Variants in SCFD1 observed in about 807,000 individuals in gnomAD.
SCFD1 encodes sec1 family domain containing 1.
In SCFD1, 37 loss-of-function variants were observed where a neutral mutation model predicts 103.2. The ratio of observed to expected loss-of-function variants is 0.36; its 90% CI spans 0.28 to 0.47. SCFD1 has a LOEUF of 0.47. Among genes scored for constraint, SCFD1 ranks in the 20% least tolerant of loss-of-function variants. SCFD1 has a pLI of 1.00. For synonymous variants in SCFD1, 264 were observed against 245.0 expected (o/e 1.08, Z -0.73); for missense variants, 639 against 761.2 (o/e 0.84, Z 1.89).
intron 4 of SCFD1, 100 bp from the exon 5 acceptor site, chr14:30,638,025 A>T: frequency 7.6e-7 from 1 of 1,321,732 alleles, no homozygotes; most frequent in South Asian, 1.9e-5. Context: ...TCATTTAAAT[A>T]TCCTGTCTTT....
intron 12 of SCFD1, 52 bp from the exon 13 acceptor site, chr14:30,673,872 T>G: frequency 2.4e-6 from 3 of 1,232,068 alleles, no homozygotes; most frequent in Non-Finnish European, 3.6e-6. Context: ...TTGATTTTTA[T>G]GCTTGTGCCT....
At chr14:30,691,412 GCT>G (rs1338856539) in intron 14 of SCFD1, among the ~76,000 whole-genome samples, 1 of 152,122 alleles carries the variant, frequency 6.6e-6, no homozygotes, top group Non-Finnish European at 1.5e-5. Flanking sequence ...GGGTCCTGAG[GCT>G]CTCTCTTTAA....
At chr14:30,634,939 G>A (rs1037391281) in intron 4 of SCFD1, 3 of 455,830 alleles carry the variant, frequency 6.6e-6, no homozygotes, top group African/African-American at 6.0e-5. Context: ...CAGTTACAAG[G>A]GTGGCTGCAA....
At chr14:30,654,534 C>T (rs1886711487) in intron 10 of SCFD1, among the ~76,000 whole-genome samples, 1 of 152,096 alleles carries the variant, frequency 6.6e-6, no homozygotes, top group Non-Finnish European at 1.5e-5. Flanking sequence ...ATTAGCCAAG[C>T]GTGGTGGCAC....
chr14:30,708,157 C>G, intron 19 of SCFD1, 92 bp downstream of exon 19: 1 of 795,004 alleles, frequency 1.3e-6, no homozygotes, highest in East Asian at 2.5e-5. Flanking sequence ...TGGATTTATT[C>G]AAGTAATAAA....
intron 20 of SCFD1, 122 bp downstream of exon 20, chr14:30,716,099 AG>A: frequency 1.5e-6 from 1 of 683,666 alleles, no homozygotes; most frequent in Non-Finnish European, 2.6e-6. Context: ...CATGAGGAAA[AG>A]GAAGAGTCCA....
chr14:30,731,919 C>G (rs569839147), intron 23 of SCFD1, among the ~76,000 whole-genome samples: 5 of 152,262 alleles, frequency 3.3e-5, no homozygotes, highest in African/African-American at 1.2e-4. Flanking sequence ...AGAGGGCATC[C>G]CTGTCTTGTG....
intron 9 of SCFD1, among the ~76,000 whole-genome samples, chr14:30,651,847 T>TG (rs541669512): frequency 7.1e-4 from 108 of 152,162 alleles, no homozygotes; most frequent in Admixed American, 3.5e-3. Flanking sequence ...TAAGGGCAGT[T>TG]TTTGCCTCCC....
intron 7 of SCFD1, among the ~76,000 whole-genome samples, chr14:30,646,569 A>G (rs1885849811): frequency 6.6e-6 from 1 of 152,102 alleles, no homozygotes; most frequent in Non-Finnish European, 1.5e-5. Flanking sequence ...GGGGTATCAG[A>G]CTGAAGTTTT....
At chr14:30,721,775 G>A in intron 21 of SCFD1, 109 bp from the exon 22 acceptor site, 1 of 904,228 alleles carries the variant, frequency 1.1e-6, no homozygotes, top group East Asian at 2.6e-5. Flanking sequence ...GAAGGAGGTA[G>A]AATTGTAAAT....
chr14:30,640,080 A>G (rs1885117100), intron 6 of SCFD1, among the ~76,000 whole-genome samples: 1 of 152,204 alleles, frequency 6.6e-6, no homozygotes, highest in African/African-American at 2.4e-5. Context: ...TCAAAGAAGT[A>G]CCAATTCTCT....
chr14:30,693,677 T>C (rs1452573229), intron 14 of SCFD1, among the ~76,000 whole-genome samples: 1 of 152,246 alleles, frequency 6.6e-6, no homozygotes, highest in Non-Finnish European at 1.5e-5. Context: ...CCTTTTAGCA[T>C]AATGTATTTA....
chr14:30,710,963 C>T (rs1056363931), intron 19 of SCFD1, among the ~76,000 whole-genome samples: 5 of 152,144 alleles, frequency 3.3e-5, no homozygotes, highest in Admixed American at 6.5e-5. Context: ...TTTTCTAGGT[C>T]ACTTATAAGA....
rs996075855 is a variant in SCFD1, at chr14:30,665,867, A to G, written c.856-4389A>G. Among the ~76,000 whole-genome samples the G allele has an allele frequency of 2.6e-5, 4 of 152,234 alleles. No homozygotes were observed. The East Asian group carries it at 7.7e-4, about 29-fold the overall frequency. On this transcript the variant is annotated intron_variant, in intron 10 of 24. Coordinates refer to ENST00000458591, the MANE Select transcript of SCFD1 (RefSeq NM_016106.4). The stretch of plus-strand genomic sequence containing the variant: ...ACTATTGTAAATATATATGCACCTA[A>G]TACAGGAGCAAAACAAGATTCATAA...
intron 1 of SCFD1, among the ~76,000 whole-genome samples, chr14:30,627,730 C>T (rs144741640): frequency 0.038 from 4,764 of 125,568 alleles, 109 homozygotes; most frequent in Middle Eastern, 0.094. Flanking sequence ...GCAACAAGAG[C>T]GAAACTCTGT....
At chr14:30,678,130 G>A (rs758518355) in intron 14 of SCFD1, among the ~76,000 whole-genome samples, 1 of 151,990 alleles carries the variant, frequency 6.6e-6, no homozygotes, top group African/African-American at 2.4e-5. Flanking sequence ...GAGCCACCGC[G>A]CCTGGCCGTA....
intron 1 of SCFD1, among the ~76,000 whole-genome samples, chr14:30,625,697 GTATAGGTATATAGGTATATAGGTA>G (rs537821402): frequency 6.8e-6 from 1 of 147,842 alleles, no homozygotes; most frequent in African/African-American, 2.5e-5. Flanking sequence ...ACCTATATAG[GTATAGGTATATAGGTATATAGGTA>G]TATAGGTATA....
chr14:30,626,330 C>A (rs1883444218), intron 1 of SCFD1, among the ~76,000 whole-genome samples: 1 of 151,992 alleles, frequency 6.6e-6, no homozygotes, highest in South Asian at 2.1e-4. Flanking sequence ...CACCTGATAG[C>A]AATAACTTAA....
chr14:30,638,238 A>G lies in SCFD1; in HGVS notation c.426A>G (p.Gln142=), dbSNP rs769065999. The G allele has an allele frequency of 5.6e-6, 9 of 1,613,086 alleles. No individual in the cohort carries two copies. Among genetic ancestry groups the G allele is most frequent in the East Asian group, 4.5e-5 (2 of 44,768 alleles). The change falls in exon 5 of 25, where the codon CAA becomes CAG. Residue 142 remains glutamine (Q), a synonymous_variant. Transcript: ENST00000458591. ...NAALAASAVT[Q]VAKVFDQYLN... ...CGTTAGCAGCTAGTGCAGTAACACA[A>G]GTAGCCAAGGTAAGAGAGTTTGGTG... is the stretch of plus-strand genomic sequence containing the variant.
Sources: gnomAD v4.1 joint callset for allele counts (sites outside exome capture counted in the v4.1 genomes callset) on GRCh38, gnomAD v4.1.1 for gene constraint, MANE v1.5 for transcripts, NCBI Gene and HGNC (gene_info 2026-07-23, HGNC 2026-07-21) for gene names.